ASS1: variants seen among roughly 807,000 people sequenced by gnomAD.
ASS1 encodes argininosuccinate synthase 1, also known as argininosuccinate synthase.
In ASS1, 58 loss-of-function variants were observed where a neutral mutation model predicts 60.5. The observed-to-expected ratio is 0.96, with a 90% CI of 0.78 to 1.19. ASS1 has a LOEUF of 1.19. ASS1 is among the 50% of genes most tolerant of loss of function. ASS1 has a pLI of 0.00. For synonymous variants in ASS1, 200 were observed against 206.9 expected, an observed-to-expected ratio of 0.97 and a Z score of 0.29; for missense variants, 454 against 547.3, an observed-to-expected ratio of 0.83 and a Z score of 1.70.
chr9:130,463,883 C>T (rs962716522), intron 4 of ASS1, among the ~76,000 whole-genome samples: 1 of 151,962 alleles, frequency 6.6e-6, no homozygotes, highest in East Asian at 1.9e-4. Flanking sequence ...CCTGCACCCA[C>T]CCACGTGACA....
At chr9:130,444,908 G>C (rs970367699), upstream of ASS1, 5 of 152,496 alleles carry the variant, frequency 3.3e-5, no homozygotes, top group Non-Finnish European at 7.3e-5. The surrounding 1 kb of genome is among the most constrained non-coding windows in gnomAD (Gnocchi z 4.7). Flanking sequence ...CCCGGTCACC[G>C]GCCCTGCCCC....
intron 1 of ASS1, among the ~76,000 whole-genome samples, chr9:130,448,429 C>T (rs1281498512): frequency 2.6e-5 from 4 of 151,852 alleles, no homozygotes; most frequent in Non-Finnish European, 5.9e-5. Context: ...CGCGCACACA[C>T]ACACACACAC....
chr9:130,452,454 C>T (rs1202464106), intron 2 of ASS1, 121 bp downstream of exon 2: 7 of 818,126 alleles, frequency 8.6e-6, no homozygotes, highest in Non-Finnish European at 1.5e-5. Context: ...TCAAGCCTGG[C>T]CTCTTCTCTC....
intron 4 of ASS1, among the ~76,000 whole-genome samples, chr9:130,461,977 G>C (rs1437862870): frequency 6.6e-6 from 1 of 152,088 alleles, no homozygotes; most frequent in Non-Finnish European, 1.5e-5. Flanking sequence ...AACCGCCTGA[G>C]CCCAGCCCTG....
At chr9:130,486,141 T>G (rs187924248) in intron 11 of ASS1, among the ~76,000 whole-genome samples, 49 of 152,218 alleles carry the variant, frequency 3.2e-4, no homozygotes, top group African/African-American at 1.1e-3. Context: ...ACCATTTTTT[T>G]GTAGAGACGG....
chr9:130,457,856 G>A (rs1373592863), intron 3 of ASS1, among the ~76,000 whole-genome samples: 2 of 152,136 alleles, frequency 1.3e-5, no homozygotes, highest in Non-Finnish European at 2.9e-5. Context: ...TCACAGAACG[G>A]TGCATCAGGA....
rs2118834527 is a variant in ASS1, at chr9:130,477,783, C to A, written c.688+822C>A. ...AGGTGGTGCTGGGCACAGGGGCACC[C>A]AAGGACCAGGCGGGGGGCTGGCCCA... is the stretch of plus-strand genomic sequence containing the variant. On this transcript the variant is annotated intron_variant, in intron 9 of 14. Transcript: ENST00000352480. The surrounding 1 kb of genome is among the most constrained non-coding windows in gnomAD (Gnocchi z 4.2). 6.6e-6 allele frequency among the ~76,000 whole-genome samples: 1 copy of A among 152,308 alleles called. No individual in the cohort carries two copies. Among genetic ancestry groups the A allele is most frequent in the Non-Finnish European group, 1.5e-5 (1 of 68,016 alleles).
intron 3 of ASS1, among the ~76,000 whole-genome samples, chr9:130,457,987 C>A (rs927574275): frequency 1.3e-5 from 2 of 151,880 alleles, no homozygotes; most frequent in African/African-American, 2.4e-5. Context: ...GGTGAAACCC[C>A]GTCTCTACCA....
intron 13 of ASS1, among the ~76,000 whole-genome samples, chr9:130,496,883 C>T (rs1846617641): frequency 6.6e-6 from 1 of 152,242 alleles, no homozygotes; most frequent in Non-Finnish European, 1.5e-5. Flanking sequence ...TCCCCTAAGG[C>T]CCAGCTTAGC....
intron 11 of ASS1, among the ~76,000 whole-genome samples, chr9:130,484,745 A>G (rs1846261595): frequency 6.6e-6 from 1 of 151,862 alleles, no homozygotes. Flanking sequence ...AGAAACACAC[A>G]GAAATCATCT....
intron 13 of ASS1, among the ~76,000 whole-genome samples, chr9:130,495,837 G>A (rs1846588229): frequency 6.6e-6 from 1 of 152,148 alleles, no homozygotes; most frequent in African/African-American, 2.4e-5. Context: ...TGGATGTGGA[G>A]GGAGATGGAG....
At chr9:130,455,254 CCAT>C (rs1160743844) in intron 3 of ASS1, among the ~76,000 whole-genome samples, 1 of 151,866 alleles carries the variant, frequency 6.6e-6, no homozygotes, top group African/African-American at 2.4e-5. Flanking sequence ...ATTCATCCAT[CCAT>C]CATCTATCCA....
rs758909338 is a variant in ASS1, at chr9:130,494,512, T to C, written c.971-355T>C. 3.8e-4 allele frequency among the ~76,000 whole-genome samples: 58 copies of C among 152,232 alleles called. No homozygotes were observed. The highest frequency in any genetic ancestry group is 6.3e-4 in the Non-Finnish European group (43 of 68,030). ...CCTCCCCCGGAGATTAGAGCCTCCA[T>C]TGGGCCAGGGATGGGGTCCCTTTAC... On this transcript the variant is annotated intron_variant, in intron 12 of 14. Coordinates refer to ENST00000352480, the MANE Select transcript of ASS1 (RefSeq NM_054012.4). This position sits in a 1 kb window ranked among gnomAD's most constrained non-coding sequence, Gnocchi z 4.3.
intron 2 of ASS1, among the ~76,000 whole-genome samples, chr9:130,452,896 CCTT>C (rs1292722199): frequency 6.6e-6 from 1 of 152,204 alleles, no homozygotes; most frequent in Admixed American, 6.5e-5. Flanking sequence ...AGCTCTGAGT[CCTT>C]CTCTGTGTGG....
chr9:130,451,813 G>A (rs1364172599), intron 1 of ASS1: 1 of 461,818 alleles, frequency 2.2e-6, no homozygotes, highest in Admixed American at 2.3e-5. Flanking sequence ...GAGCAGTTCT[G>A]ATGGGGGATG....
Position 130,491,282 on chromosome 9 carries a change from A to G in ASS1, c.970+1818A>G, listed in dbSNP as rs1165401834. 6.6e-6 allele frequency among the ~76,000 whole-genome samples: 1 copy of G among 152,054 alleles called. No homozygotes were observed. Among genetic ancestry groups the G allele is most frequent in the African/African-American group, 2.4e-5 (1 of 41,400 alleles). On this transcript the variant is annotated intron_variant, in intron 12 of 14. Transcript: ENST00000352480. The surrounding 1 kb of genome is among the most constrained non-coding windows in gnomAD (Gnocchi z 5.3). ...AAAGGAGGATTTTAGTTACAAAGTGAGAGAGTCATTAAGACGTGGCGGAGG... is the reference window on the plus strand; with the variant it reads ...AAAGGAGGATTTTAGTTACAAAGTGGGAGAGTCATTAAGACGTGGCGGAGG...
At chr9:130,474,374 C>G (rs992068658) in intron 8 of ASS1, among the ~76,000 whole-genome samples, 2 of 152,174 alleles carry the variant, frequency 1.3e-5, no homozygotes, top group Non-Finnish European at 2.9e-5. Context: ...ACACTGTCAG[C>G]CTCCACTTCG....
chr9:130,456,844 T>C (rs1345942103), intron 3 of ASS1, among the ~76,000 whole-genome samples: 1 of 151,894 alleles, frequency 6.6e-6, no homozygotes, highest in African/African-American at 2.4e-5. Context: ...GAGAATCACT[T>C]GAACCCGGAA....
Position 130,476,546 on chromosome 9 carries a change from C to CG in ASS1, c.598-324dup. The CG allele has an allele frequency of 2.1e-6, 1 of 478,330 alleles. No individual in the cohort carries two copies. Among genetic ancestry groups the CG allele is most frequent in the Non-Finnish European group, 3.8e-6 (1 of 260,722 alleles). 29.6% of individuals were successfully genotyped at this position (478,330 alleles called of 1,614,324 possible). A position where few individuals can be genotyped will look rare whatever the true frequency, so the allele number is the denominator to read the frequency against. On this transcript the variant is annotated intron_variant, in intron 8 of 14. Transcript: ENST00000352480. The surrounding 1 kb of genome is among the most constrained non-coding windows in gnomAD (Gnocchi z 4.9). ...CGCTCCTGGGAAGCCCTCGGAACGC[C>CG]GCCTTGCTCCTCCAAAGTCACACTT...
Sources: gnomAD v4.1 joint callset for allele counts (sites outside exome capture counted in the v4.1 genomes callset) on GRCh38, gnomAD v4.1.1 for gene constraint, Gnocchi (gnomAD v3.1) non-coding constraint, MANE v1.5 for transcripts, NCBI Gene and HGNC (gene_info 2026-07-23, HGNC 2026-07-21) for gene names.